Variants in ADAMDEC1 observed in about 807,000 individuals in gnomAD.
ADAMDEC1 encodes ADAM DEC1.
A neutral mutation model predicts 60.4 loss-of-function variants in ADAMDEC1; 62 were observed. The observed-to-expected ratio is 1.03, with a 90% CI of 0.84 to 1.27. The LOEUF (loss-of-function observed/expected upper bound fraction) is 1.27, where lower values mean the gene tolerates loss of function less well. Ranked by LOEUF, ADAMDEC1 falls within the 50% of genes most tolerant of loss-of-function variation. ADAMDEC1 has a pLI of 0.00. For synonymous variants in ADAMDEC1, 210 were observed against 195.1 expected, an observed-to-expected ratio of 1.08 and a Z score of -0.64; for missense variants, 595 against 565.0, an observed-to-expected ratio of 1.05 and a Z score of -0.54.
chr8:24,392,826 C>T (rs939010266), intron 2 of ADAMDEC1, among the ~76,000 whole-genome samples: 3 of 136,280 alleles, frequency 2.2e-5, no homozygotes, highest in Admixed American at 7.6e-5. Context: ...TTGACTATTA[C>T]ATTGTTGCAA....
intron 3 of ADAMDEC1, 28 bp downstream of exon 3, chr8:24,393,366 C>CCAGTGATTAG: frequency 6.8e-7 from 1 of 1,463,496 alleles, no homozygotes; most frequent in Non-Finnish European, 9.5e-7. Flanking sequence ...AAAGTCTAAT[C>CCAGTGATTAG]ACTGGATTAG....
At chr8:24,399,165 T>C in intron 9 of ADAMDEC1, 125 bp downstream of exon 9, 1 of 1,138,568 alleles carries the variant, frequency 8.8e-7, no homozygotes. Flanking sequence ...ATTTTACCAC[T>C]AGCAATTCAC....
intron 1 of ADAMDEC1, among the ~76,000 whole-genome samples, chr8:24,386,448 A>G (rs1436581319): frequency 1.3e-5 from 2 of 152,200 alleles, no homozygotes; most frequent in Non-Finnish European, 2.9e-5. Context: ...TTATGTGTAT[A>G]AAACCACGCC....
rs1817829508 is a variant in ADAMDEC1, at chr8:24,404,039, A to G, written c.1357A>G (p.Lys453Glu). 1 of 1,613,640 alleles carries G rather than the reference A, an allele frequency of 6.2e-7. No individual in the cohort carries two copies. The part of the protein sequence containing the change: ...TNLCCEALTC[K>E]LKPGTDCGGD... ...TCTCTGCTGTGAAGCCCTAACGTGT[A>G]AACTGAAGCCTGGAACTGATTGCGG... The change falls in exon 13 of 14, where the codon AAA becomes GAA. Residue 453 changes from lysine to glutamate, a missense_variant. Transcript: ENST00000256412.
intron 2 of ADAMDEC1, among the ~76,000 whole-genome samples, chr8:24,392,821 T>G (rs1817479789): frequency 6.6e-6 from 1 of 151,842 alleles, no homozygotes; most frequent in African/African-American, 2.4e-5. Context: ...ATTCTTTGAC[T>G]ATTACATTGT....
rs1184486932 is a variant in ADAMDEC1 at position 24,401,922 on chromosome 8, T to C, written c.1150T>C (p.Phe384Leu). The C allele has an allele frequency of 6.2e-7, 1 of 1,607,902 alleles. No individual in the cohort carries two copies. The highest frequency in any genetic ancestry group is 1.7e-5 in the Admixed American group (1 of 58,570). Residue 384 changes from phenylalanine to leucine, a missense_variant, in exon 12 of 14, where the codon TTC (phenylalanine) becomes CTC (leucine). Phe to Leu is a conservative substitution (Grantham distance 22). Transcript: ENST00000256412. ...GTTTTCTTCTGATTACAGTTCAAAATTCCCAAAGGATTTCAGTACATCTTG... is the reference window on the plus strand; with the variant it reads ...GTTTTCTTCTGATTACAGTTCAAAACTCCCAAAGGATTTCAGTACATCTTG... Reference protein sequence around the residue: ...CVMNQYLSSKFPKDFSTSCRA... With the variant: ...CVMNQYLSSKLPKDFSTSCRA...
intron 12 of ADAMDEC1, among the ~76,000 whole-genome samples, chr8:24,402,939 C>T (rs900296899): frequency 8.6e-5 from 13 of 152,012 alleles, no homozygotes; most frequent in African/African-American, 1.9e-4. Context: ...ATTAGAGTTA[C>T]GTTTATCTCG....
At position 24,400,248 on chromosome 8, in the gene ADAMDEC1, C is replaced by T; in HGVS notation, c.1090C>T (p.Pro364Ser). 1.2e-6 allele frequency: 2 copies of T among 1,611,924 alleles called. No individual in the cohort carries two copies. The highest frequency in any genetic ancestry group is 1.7e-6 in the Non-Finnish European group (2 of 1,178,840). Residue 364 changes from proline (P) to serine (S), a missense_variant, in exon 11 of 14, where the codon CCA (proline) becomes TCA (serine). By Grantham distance (74) the Pro-to-Ser change is moderately conservative. Coordinates refer to ENST00000256412, the MANE Select transcript of ADAMDEC1 (RefSeq NM_014479.3). ...CCATGTCCTTGGTATGCCTGATGTT[C>T]CATTCAACACCAAGTGTCCCTCTGG... is the stretch of plus-strand genomic sequence containing the variant. Reference protein sequence around the residue: ...LGHVLGMPDVPFNTKCPSGSC... With the variant: ...LGHVLGMPDVSFNTKCPSGSC...
intron 1 of ADAMDEC1, among the ~76,000 whole-genome samples, chr8:24,388,916 G>A (rs1459146915): frequency 6.6e-6 from 1 of 152,126 alleles, no homozygotes; most frequent in East Asian, 1.9e-4. Context: ...TGTCCTGAGT[G>A]GTGACAAGAC....
At chr8:24,390,146 C>T (rs1355261887) in intron 1 of ADAMDEC1, 5 of 817,586 alleles carry the variant, frequency 6.1e-6, no homozygotes, top group Non-Finnish European at 8.9e-6. Context: ...CTGTGCGTGG[C>T]CTAAAGTCAG....
intron 11 of ADAMDEC1, among the ~76,000 whole-genome samples, 189 bp from the exon 12 acceptor site, chr8:24,401,726 T>A (rs560912310): frequency 2.0e-5 from 3 of 152,160 alleles, no homozygotes; most frequent in Non-Finnish European, 4.4e-5. Flanking sequence ...TACCATAGTA[T>A]GCATGCTCTA....
rs200469454 is a variant in ADAMDEC1 at position 24,399,022 on chromosome 8, A to T, written c.911A>T (p.Asp304Val). 4 of 1,613,092 alleles carry T rather than the reference A, an allele frequency of 2.5e-6. No individual in the cohort carries two copies. The highest frequency in any genetic ancestry group is 3.4e-6 in the Non-Finnish European group (4 of 1,179,542). Reference protein sequence around the residue: ...HSSNLGKKIHDHAQLLSGISF... With the variant: ...HSSNLGKKIHVHAQLLSGISF... Reference sequence around the variant, plus strand: ...TCTAACCTGGGGAAAAAGATCCACGACCATGCTCAGCTTCTCAGGTGAGCA... The same window carrying T: ...TCTAACCTGGGGAAAAAGATCCACGTCCATGCTCAGCTTCTCAGGTGAGCA... The change falls in exon 9 of 14, where the codon GAC becomes GTC. Residue 304 changes from aspartate (D) to valine (V), a missense_variant. Physicochemically the swap from Asp to Val is radical, Grantham distance 152. Coordinates refer to ENST00000256412, the MANE Select transcript of ADAMDEC1 (RefSeq NM_014479.3).
At chr8:24,403,417 C>G (rs974256368) in intron 12 of ADAMDEC1, among the ~76,000 whole-genome samples, 5 of 151,812 alleles carry the variant, frequency 3.3e-5, no homozygotes, top group Non-Finnish European at 5.9e-5. Flanking sequence ...TCCCAGGCAT[C>G]ACACTATTTT....
intron 1 of ADAMDEC1, among the ~76,000 whole-genome samples, chr8:24,392,026 AT>A (rs1383841019): frequency 6.6e-6 from 1 of 152,054 alleles, no homozygotes; most frequent in East Asian, 1.9e-4. Flanking sequence ...CATCTAAAGA[AT>A]TGTTTTATAA....
Position 24,396,381 on chromosome 8 carries a change from T to A in ADAMDEC1, c.440+585T>A, listed in dbSNP as rs530917701. Among the ~76,000 whole-genome samples, 35 of 152,060 alleles carry A rather than the reference T, an allele frequency of 2.3e-4. 1 individual carries two copies. Among genetic ancestry groups the A allele is most frequent in the Admixed American group, 1.9e-3 (29 of 15,252 alleles). ...AAAAAAAATAGCCGAGTGTGGTGGC[T>A]GGCGCCTGTAGTCCCAGCTACTCCG... On this transcript the variant is annotated intron_variant, in intron 5 of 13. Transcript: ENST00000256412.
chr8:24,392,973 G>C (rs1437740634), intron 2 of ADAMDEC1, among the ~76,000 whole-genome samples: 1 of 104,616 alleles, frequency 9.6e-6, no homozygotes, highest in Admixed American at 1.3e-4. Flanking sequence ...ACCTTGTTTT[G>C]ATTCCCTGGC....
At chr8:24,402,325 TATAAC>T (rs1168986359) in intron 12 of ADAMDEC1, among the ~76,000 whole-genome samples, 6 of 152,160 alleles carry the variant, frequency 3.9e-5, no homozygotes, top group African/African-American at 1.4e-4. Context: ...AATTGTTAAC[TATAAC>T]ATGTCACTTG....
Position 24,394,150 on chromosome 8 carries a change from A to T in ADAMDEC1, c.363+3A>T. 1 of 1,604,748 alleles carries T rather than the reference A, an allele frequency of 6.2e-7. No individual in the cohort carries two copies. The highest frequency in any genetic ancestry group is 8.5e-7 in the Non-Finnish European group (1 of 1,171,664). On this transcript the variant is annotated splice_donor_region_variant and intron_variant, in intron 4 of 13. Transcript: ENST00000256412. ...TTACCACGAAACCTGAGAACATGGT[A>T]GGGTCCGAATACTTTGTGGGTCTCT...
At chr8:24,404,164 G>T in intron 13 of ADAMDEC1, 76 bp downstream of exon 13, 1 of 1,294,960 alleles carries the variant, frequency 7.7e-7, no homozygotes, top group Admixed American at 2.0e-5. Flanking sequence ...ATGCCACTGG[G>T]TTCCATAATA....
Sources: allele counts gnomAD v4.1 joint callset (sites outside exome capture counted in the v4.1 genomes callset), GRCh38; gene constraint gnomAD v4.1.1; transcripts MANE v1.5; gene names NCBI Gene and HGNC (gene_info 2026-07-23, HGNC 2026-07-21).